The following APOBEC1 variants were observed in gnomAD, a reference collection of about 807,000 sequenced individuals.
The protein encoded by APOBEC1 is C->U-editing enzyme APOBEC-1.
In APOBEC1, 22 loss-of-function variants were observed where a neutral mutation model predicts 26.3. The observed-to-expected ratio is 0.84, with a 90% confidence interval of 0.60 to 1.19. The LOEUF is 1.19. APOBEC1 is among the 50% of genes most tolerant of loss of function. The pLI is 0.00. For synonymous variants in APOBEC1, 77 were observed against 95.3 expected (o/e 0.81, Z 1.12); for missense variants, 253 against 289.0 (o/e 0.88, Z 0.90).
chr12:7,659,288 C>T (rs1198353820), intron 1 of APOBEC1, among the ~76,000 whole-genome samples: 29 of 72,308 alleles, frequency 4.0e-4, no homozygotes, highest in Non-Finnish European at 6.3e-4. Flanking sequence ...GAGTGAAACT[C>T]CCTCTCAAAA....
rs201225005 is a variant in APOBEC1, at chr12:7,660,412, G to GAAAGAAAGAAAGAAAGAAAGAAAGAA, written c.16+5444_16+5445insTTCTTTCTTTCTTTCTTTCTTTCTTT. On this transcript the variant is annotated intron_variant, in intron 1 of 4. Transcript: ENST00000229304. ...AGAAAGAAAGAAAGAAAGAAAGAAAGAGAGGGTATTTGGGCCAGGGACAGT... is the reference window on the plus strand; with the variant it reads ...AGAAAGAAAGAAAGAAAGAAAGAAAGAAAGAAAGAAAGAAAGAAAGAAAGAAAGAGGGTATTTGGGCCAGGGACAGT... 5.3e-3 allele frequency among the ~76,000 whole-genome samples: 642 copies of GAAAGAAAGAAAGAAAGAAAGAAAGAA among 121,796 alleles called. 55 individuals carry two copies. The highest frequency in any genetic ancestry group is 0.011 in the South Asian group (35 of 3,230). 79.9% of individuals were successfully genotyped at this position (121,796 alleles called of 152,430 possible). A position where few individuals can be genotyped will look rare whatever the true frequency, so the allele number is the denominator to read the frequency against.
rs6144603 is a variant in APOBEC1 at position 7,657,043 on chromosome 12, CGTGT to C, written c.17-2415_17-2412del. Among the ~76,000 whole-genome samples, 1,244 of 148,744 alleles carry C rather than the reference CGTGT, an allele frequency of 8.4e-3. 15 individuals carry two copies. The highest frequency in any genetic ancestry group is 0.026 in the African/African-American group (1,031 of 40,056). ...TTGGTGTCCTAGTGTGTTGTATATA[CGTGT>C]GTGTGTGTGTGTGTGTGTGTGTGTG... On this transcript the variant is annotated intron_variant, in intron 1 of 4. Transcript: ENST00000229304.
chr12:7,654,405 T>G (rs2136841544), intron 2 of APOBEC1, among the ~76,000 whole-genome samples, 200 bp downstream of exon 2: 1 of 143,672 alleles, frequency 7.0e-6, no homozygotes, highest in East Asian at 2.1e-4. Flanking sequence ...AGGGTCTCAG[T>G]CTGTTACCCC....
chr12:7,661,505 ATAGATAGATAG>A (rs1863820021), intron 1 of APOBEC1, among the ~76,000 whole-genome samples: 1 of 150,840 alleles, frequency 6.6e-6, no homozygotes, highest in Non-Finnish European at 1.5e-5. Context: ...AGATAGATAG[ATAGATAGATAG>A]ATAGATAGAT....
chr12:7,652,702 T>C lies in APOBEC1; in HGVS notation c.178A>G (p.Asn60Asp). The change falls in exon 3 of 5, where the codon AAT becomes GAT. Residue 60 changes from asparagine (N) to aspartate (D), a missense_variant. Transcript: ENST00000229304. The stretch of plus-strand genomic sequence containing the variant: ...TTTATAAAATTAACTTCCACGTGAT[T>C]GGTGGTGTTTTTGCCTGAGCTTCGC... ...IWRSSGKNTT[N>D]HVEVNFIKKF... The C allele has an allele frequency of 1.2e-6, 2 of 1,614,178 alleles. No individual in the cohort carries two copies. Among genetic ancestry groups the C allele is most frequent in the Non-Finnish European group, 1.7e-6 (2 of 1,180,026 alleles).
chr12:7,663,509 C>A (rs1407691599), intron 1 of APOBEC1, among the ~76,000 whole-genome samples: 3 of 152,078 alleles, frequency 2.0e-5, no homozygotes, highest in Admixed American at 2.0e-4. Context: ...GAGCTCTTCT[C>A]AGATCTTAGT....
intron 1 of APOBEC1, among the ~76,000 whole-genome samples, chr12:7,658,516 CA>C (rs1179262090): frequency 6.6e-5 from 10 of 152,108 alleles, no homozygotes; most frequent in Non-Finnish European, 8.8e-5. Flanking sequence ...CTTGATTACC[CA>C]ACAGAGGTGT....
intron 1 of APOBEC1, among the ~76,000 whole-genome samples, chr12:7,655,026 T>C (rs1863693660): frequency 6.6e-6 from 1 of 151,910 alleles, no homozygotes; most frequent in Non-Finnish European, 1.5e-5. Flanking sequence ...CTGGCCAACA[T>C]GGTGAAACCC....
chr12:7,657,263 A>C (rs1592059706), intron 1 of APOBEC1, among the ~76,000 whole-genome samples: 1 of 152,216 alleles, frequency 6.6e-6, no homozygotes, highest in South Asian at 2.1e-4. Flanking sequence ...TGTTAGCTGA[A>C]TGTCTAGTTG....
chr12:7,654,427 A>AGT (rs971060834), intron 2 of APOBEC1, among the ~76,000 whole-genome samples, 178 bp downstream of exon 2: 15 of 143,566 alleles, frequency 1.0e-4, no homozygotes, highest in African/African-American at 2.9e-4. Context: ...GCTGCAGTGC[A>AGT]GTGGTGCAAT....
At chr12:7,659,224 G>A (rs1417894876) in intron 1 of APOBEC1, among the ~76,000 whole-genome samples, 3 of 139,040 alleles carry the variant, frequency 2.2e-5, no homozygotes, top group African/African-American at 8.0e-5. Context: ...AACCCAGGAG[G>A]TGGAGGTTGT....
intron 1 of APOBEC1, among the ~76,000 whole-genome samples, chr12:7,658,167 G>A (rs192519174): frequency 6.6e-6 from 1 of 152,284 alleles, no homozygotes; most frequent in East Asian, 1.9e-4. Context: ...GGGTTCAAGT[G>A]ATTCTCGTGC....
upstream of APOBEC1, among the ~76,000 whole-genome samples, chr12:7,670,381 G>A (rs1265771232): frequency 7.0e-6 from 1 of 141,850 alleles, no homozygotes; most frequent in Non-Finnish European, 1.5e-5. Context: ...GTATACAAAT[G>A]CTCCTCAGTT....
At chr12:7,650,312 A>G (rs1461142497) in intron 4 of APOBEC1, among the ~76,000 whole-genome samples, 3 of 152,200 alleles carry the variant, frequency 2.0e-5, no homozygotes, top group African/African-American at 7.2e-5. Flanking sequence ...CTGAGGTCAG[A>G]GGATTGCTTG....
upstream of APOBEC1, among the ~76,000 whole-genome samples, chr12:7,670,275 A>G (rs1398073566): frequency 4.3e-5 from 6 of 139,230 alleles, 1 homozygote; most frequent in Non-Finnish European, 6.2e-5. Flanking sequence ...GTGAGCCACC[A>G]CACCTGGCCT....
chr12:7,649,647 G>A lies in APOBEC1; in HGVS notation c.611C>T (p.Thr204Ile). Residue 204 changes from threonine to isoleucine, a missense_variant, in exon 5 of 5, where the codon ACA (threonine) becomes ATA (isoleucine). Coordinates refer to ENST00000229304, the MANE Select transcript of APOBEC1 (RefSeq NM_001644.5). ...GTTTTGAAGATGAAGTCTGAAAAAT[G>A]TAAGATGATTTTGCCATCTTCTTGA... is the stretch of plus-strand genomic sequence containing the variant. ...KISRRWQNHLTFFRLHLQNCH... is the reference protein window; with the variant it reads ...KISRRWQNHLIFFRLHLQNCH... The A allele has an allele frequency of 6.2e-7, 1 of 1,613,858 alleles. No homozygotes were observed. The highest frequency in any genetic ancestry group is 1.7e-5 in the Admixed American group (1 of 60,000).
upstream of APOBEC1, among the ~76,000 whole-genome samples, chr12:7,667,007 G>A (rs2136861535): frequency 6.6e-6 from 1 of 151,496 alleles, no homozygotes; most frequent in Admixed American, 6.6e-5. Flanking sequence ...TGCCTCCCAG[G>A]TTCAAGTGAT....
intron 2 of APOBEC1, 117 bp downstream of exon 2, chr12:7,654,488 C>T: frequency 9.6e-6 from 10 of 1,046,910 alleles, no homozygotes; most frequent in Non-Finnish European, 1.5e-5. Flanking sequence ...CCTCCTACTC[C>T]TGCCTCAGCC....
chr12:7,668,098 A>T (rs747137012), upstream of APOBEC1, among the ~76,000 whole-genome samples: 1 of 152,208 alleles, frequency 6.6e-6, no homozygotes, highest in South Asian at 2.1e-4. Context: ...CAGGGTCCTT[A>T]TAAGAGGGAG....
Sources: allele counts gnomAD v4.1 joint callset (sites outside exome capture counted in the v4.1 genomes callset), GRCh38; gene constraint gnomAD v4.1.1; transcripts MANE v1.5; gene names NCBI Gene and HGNC (gene_info 2026-07-23, HGNC 2026-07-21).